SHISA9: variants seen among roughly 807,000 people sequenced by gnomAD.
SHISA9 encodes the protein protein shisa-9.
Under a neutral mutation model 38.0 loss-of-function variants are expected in SHISA9, and 13 were observed. The observed-to-expected ratio is 0.34, with a 90% confidence interval of 0.22 to 0.54. The LOEUF (loss-of-function observed/expected upper bound fraction) is 0.54. Among genes scored for constraint, SHISA9 ranks in the 20% least tolerant of loss-of-function variants. SHISA9 has a pLI of 0.91. For synonymous variants in SHISA9, 275 were observed against 242.0 expected, an observed-to-expected ratio of 1.14 and a Z score of -1.27; for missense variants, 538 against 575.8, an observed-to-expected ratio of 0.93 and a Z score of 0.67.
At chr16:13,421,228 C>T in the SHISA9 span, among the ~76,000 whole-genome samples, 1 of 152,174 alleles carries the variant, frequency 6.6e-6, no homozygotes, top group Non-Finnish European at 1.5e-5. Flanking sequence ...GTACTTTCTG[C>T]ATTCCATATA....
intron 2 of SHISA9, among the ~76,000 whole-genome samples, chr16:13,090,785 GC>G: frequency 6.6e-6 from 1 of 152,260 alleles, no homozygotes; most frequent in Non-Finnish European, 1.5e-5. Context: ...GGGGCATTTA[GC>G]CCATTTACGT....
the SHISA9 span, among the ~76,000 whole-genome samples, chr16:13,501,718 A>C: frequency 1.3e-5 from 2 of 152,194 alleles, no homozygotes; most frequent in African/African-American, 4.8e-5. Flanking sequence ...ATTTGCTGAA[A>C]GAGGGCGGGC....
the SHISA9 span, among the ~76,000 whole-genome samples, chr16:13,311,405 AT>A: frequency 6.6e-6 from 1 of 151,964 alleles, no homozygotes; most frequent in African/African-American, 2.4e-5. Context: ...AGAATTCAAT[AT>A]TTTTTTCTGC....
At chr16:13,451,246 G>C in the SHISA9 span, among the ~76,000 whole-genome samples, 1 of 152,100 alleles carries the variant, frequency 6.6e-6, no homozygotes, top group Non-Finnish European at 1.5e-5. Flanking sequence ...TAACTCACTG[G>C]ATAACACACC....
At chr16:13,091,997 C>T (rs1038148548) in intron 2 of SHISA9, among the ~76,000 whole-genome samples, 4 of 152,106 alleles carry the variant, frequency 2.6e-5, no homozygotes, top group African/African-American at 9.7e-5. Context: ...GTGTAGATGA[C>T]CTTTTTGTTG....
intron 2 of SHISA9, among the ~76,000 whole-genome samples, chr16:12,931,435 T>C (rs2071460479): frequency 6.6e-6 from 1 of 152,132 alleles, no homozygotes; most frequent in African/African-American, 2.4e-5. Flanking sequence ...GTATCCCATC[T>C]CTCCCTTTCT....
the SHISA9 span, among the ~76,000 whole-genome samples, chr16:13,266,532 A>C: frequency 6.6e-6 from 1 of 152,300 alleles, no homozygotes; most frequent in South Asian, 2.1e-4. Flanking sequence ...GCATGCAAGC[A>C]GCATTCCCAC....
At chr16:13,172,443 G>A (rs1427192062) in intron 2 of SHISA9, among the ~76,000 whole-genome samples, 1 of 152,212 alleles carries the variant, frequency 6.6e-6, no homozygotes, top group African/African-American at 2.4e-5. Flanking sequence ...TAGTAACTGA[G>A]TCATTAGTCG....
At chr16:13,415,583 T>C in the SHISA9 span, among the ~76,000 whole-genome samples, 2 of 152,152 alleles carry the variant, frequency 1.3e-5, no homozygotes, top group Non-Finnish European at 1.5e-5. Flanking sequence ...ACTCCTGAAC[T>C]TAAAGGTTAA....
At chr16:12,985,488 G>A (rs1047674780) in intron 2 of SHISA9, among the ~76,000 whole-genome samples, 1 of 152,136 alleles carries the variant, frequency 6.6e-6, no homozygotes, top group Non-Finnish European at 1.5e-5. Context: ...CTGGTCCCTG[G>A]CACGCTGTGG....
chr16:13,217,811 C>T (rs2051185258), intron 4 of SHISA9, among the ~76,000 whole-genome samples: 1 of 152,114 alleles, frequency 6.6e-6, no homozygotes, highest in South Asian at 2.1e-4. Context: ...GAGCAGATCA[C>T]TTGAGGTAAG....
chr16:13,248,427 A>G, the SHISA9 span, among the ~76,000 whole-genome samples: 1 of 152,224 alleles, frequency 6.6e-6, no homozygotes, highest in Non-Finnish European at 1.5e-5. Flanking sequence ...AAGCACCATA[A>G]AGAAATAAAG....
At chr16:13,036,183 T>A (rs1003617451) in intron 2 of SHISA9, among the ~76,000 whole-genome samples, 4 of 152,240 alleles carry the variant, frequency 2.6e-5, no homozygotes, top group Non-Finnish European at 4.4e-5. Flanking sequence ...CAAAGTCTTG[T>A]ATACTAATGT....
At chr16:13,016,595 G>GT (rs1213936956) in intron 2 of SHISA9, among the ~76,000 whole-genome samples, 2 of 152,152 alleles carry the variant, frequency 1.3e-5, no homozygotes, top group East Asian at 1.9e-4. Flanking sequence ...GTTTTTTGCT[G>GT]TTTTTTGCCG....
At chr16:13,154,940 C>A (rs2050531195) in intron 2 of SHISA9, among the ~76,000 whole-genome samples, 1 of 152,230 alleles carries the variant, frequency 6.6e-6, no homozygotes, top group African/African-American at 2.4e-5. Flanking sequence ...CCTCTCTAGA[C>A]ATCCCTCTCT....
the SHISA9 span, among the ~76,000 whole-genome samples, chr16:13,534,522 G>A: frequency 1.3e-5 from 2 of 152,136 alleles, no homozygotes; most frequent in African/African-American, 2.4e-5. Context: ...ACCATGCCAG[G>A]CCCACAGAAT....
chr16:13,077,277 T>G (rs1177503581), intron 2 of SHISA9, among the ~76,000 whole-genome samples: 1 of 152,010 alleles, frequency 6.6e-6, no homozygotes, highest in Non-Finnish European at 1.5e-5. Context: ...TTCCTCTCTA[T>G]GTCCAGACCA....
At chr16:12,943,205 G>A (rs896409762) in intron 2 of SHISA9, among the ~76,000 whole-genome samples, 2 of 151,778 alleles carry the variant, frequency 1.3e-5, no homozygotes, top group African/African-American at 4.8e-5. Context: ...GGTATCCACT[G>A]TTGGAGTGGG....
rs145736383 is a variant in SHISA9, at chr16:13,099,772, C to T, written c.692-103622C>T. 2.0e-5 allele frequency among the ~76,000 whole-genome samples: 3 copies of T among 152,268 alleles called. 1 individual carries two copies. In the East Asian group the frequency reaches 5.8e-4, roughly 29 times the overall value. On this transcript the variant is annotated intron_variant, in intron 2 of 4. Coordinates refer to ENST00000558583, the MANE Select transcript of SHISA9 (RefSeq NM_001145204.3). ...GACCTCATGGCAATTCTGTACACTG[C>T]CTTTTTCTCTGAGTGGGTTAGAAAC...
Sources: gnomAD v4.1 joint callset for allele counts (sites outside exome capture counted in the v4.1 genomes callset) on GRCh38, gnomAD v4.1.1 for gene constraint, MANE v1.5 for transcripts, NCBI Gene and HGNC (gene_info 2026-07-23, HGNC 2026-07-21) for gene names.